ACER1: variants seen among roughly 807,000 people sequenced by gnomAD.
ACER1 encodes CTB-180A7.3.
ACER1 carries 28 observed loss-of-function variants against 24.9 expected under a neutral mutation model. The ratio of observed to expected loss-of-function variants is 1.13; its 90% confidence interval spans 0.83 to 1.54. The LOEUF is 1.54. ACER1 is among the 40% of genes most tolerant of loss of function. ACER1 has a pLI of 0.00. For missense variants in ACER1, 352 were observed against 349.3 expected (o/e 1.01, Z -0.06); for synonymous variants, 132 against 131.4 (o/e 1.00, Z -0.03).
In ACER1 at chr19:6,312,245, T is replaced by A. The variant is rs1386513320; in HGVS notation, c.254A>T (p.Gln85Leu). 1.9e-6 allele frequency: 3 copies of A among 1,614,086 alleles called. No homozygotes were observed. In the South Asian group the frequency reaches 3.3e-5, roughly 18 times the overall value. Residue 85 changes from glutamine (Q) to leucine (L), a missense_variant, in exon 3 of 6, where the codon CAG (glutamine) becomes CTG (leucine). Gln to Leu is a moderately radical substitution (Grantham distance 113). Coordinates refer to ENST00000301452, the MANE Select transcript of ACER1 (RefSeq NM_133492.3). Reference sequence around the variant, plus strand: ...CAGGATGGCGATCTCGTCCAGCAGCTGGCCCAGGAAGCTGAGCGTCATGTG... The same window carrying A: ...CAGGATGGCGATCTCGTCCAGCAGCAGGCCCAGGAAGCTGAGCGTCATGTG... ...YFHMTLSFLG[Q>L]LLDEIAILWL...
chr19:6,317,465 G>T (rs1337328698), intron 1 of ACER1, among the ~76,000 whole-genome samples: 1 of 152,194 alleles, frequency 6.6e-6, no homozygotes, highest in Non-Finnish European at 1.5e-5. Context: ...CCTCTTCTCA[G>T]CCCGTGGCCC....
At chr19:6,335,774 C>T (rs141018958), upstream of ACER1, among the ~76,000 whole-genome samples, 7,524 of 151,324 alleles carry the variant, frequency 0.05, 286 homozygotes, top group African/African-American at 0.11. Flanking sequence ...GAGCTTGCAG[C>T]GAGCCAAAAT....
In ACER1 at chr19:6,318,463, T is replaced by C. The variant is rs574339521; in HGVS notation, c.94-5964A>G. On this transcript the variant is annotated intron_variant, in intron 1 of 5. Coordinates refer to ENST00000301452, the MANE Select transcript of ACER1 (RefSeq NM_133492.3). Reference sequence around the variant, plus strand: ...CAGCCTGGGTGACATAGTGAGACTCTGTCCCCCCAAAATAAATAAAAAATA... The same window carrying C: ...CAGCCTGGGTGACATAGTGAGACTCCGTCCCCCCAAAATAAATAAAAAATA... Among the ~76,000 whole-genome samples, 11 of 146,764 alleles carry C rather than the reference T, an allele frequency of 7.5e-5. No homozygotes were observed. The South Asian group carries it at 2.4e-3, about 32-fold the overall frequency.
At chr19:6,336,258 G>A (rs761599092), upstream of ACER1, among the ~76,000 whole-genome samples, 5 of 151,560 alleles carry the variant, frequency 3.3e-5, no homozygotes, top group African/African-American at 7.3e-5. Context: ...GTGCAGTGGC[G>A]CAATCATAGT....
the ACER1 span, among the ~76,000 whole-genome samples, chr19:6,347,109 A>AAAAATATATAT: frequency 2.3e-3 from 266 of 113,748 alleles, 3 homozygotes; most frequent in Middle Eastern, 4.0e-3. Context: ...AAAAAAAAAA[A>AAAAATATATAT]ATATATATAT....
Position 6,309,794 on chromosome 19 carries a change from T to C in ACER1, c.391A>G (p.Ser131Gly). The change falls in exon 4 of 6, where the codon AGC becomes GGC. Residue 131 changes from serine (S) to glycine (G), a missense_variant. Coordinates refer to ENST00000301452, the MANE Select transcript of ACER1 (RefSeq NM_133492.3). Reference protein sequence around the residue: ...IRLVFITTVVSTLLSFLRPTV... With the variant: ...IRLVFITTVVGTLLSFLRPTV... ...GGCCGCAGGAAGGACAGAAGGGTGCTGACCACAGTGGTGATGAAGACCAGG... is the reference window on the plus strand; with the variant it reads ...GGCCGCAGGAAGGACAGAAGGGTGCCGACCACAGTGGTGATGAAGACCAGG... The C allele has an allele frequency of 6.2e-7, 1 of 1,614,102 alleles. No individual in the cohort carries two copies. The highest frequency in any genetic ancestry group is 8.5e-7 in the Non-Finnish European group (1 of 1,179,992).
the ACER1 span, among the ~76,000 whole-genome samples, chr19:6,340,223 G>C: frequency 6.7e-6 from 1 of 149,282 alleles, no homozygotes; most frequent in African/African-American, 2.5e-5. Flanking sequence ...GGAGGTTGTA[G>C]TCAGCCAAGA....
chr19:6,327,565 AAAATAAAT>A (rs973895984), intron 1 of ACER1, among the ~76,000 whole-genome samples: 1 of 151,362 alleles, frequency 6.6e-6, no homozygotes, highest in Non-Finnish European at 1.5e-5. Context: ...ACTCCGTCTC[AAAATAAAT>A]AAATAAATAA....
chr19:6,319,742 C>T (rs919930819), intron 1 of ACER1, among the ~76,000 whole-genome samples: 1 of 151,992 alleles, frequency 6.6e-6, no homozygotes, highest in African/African-American at 2.4e-5. Context: ...TTGCCCCCTC[C>T]CCACCCTGTA....
At chr19:6,319,867 T>G (rs547685835) in intron 1 of ACER1, among the ~76,000 whole-genome samples, 5 of 152,080 alleles carry the variant, frequency 3.3e-5, no homozygotes, top group African/African-American at 1.2e-4. Context: ...ATCCCAGCAC[T>G]TTGGAAGGCT....
chr19:6,348,973 T>C, the ACER1 span, among the ~76,000 whole-genome samples: 1 of 152,004 alleles, frequency 6.6e-6, no homozygotes, highest in East Asian at 1.9e-4. Flanking sequence ...GAAAAATTGC[T>C]TGAACCCAGG....
At chr19:6,314,565 G>A (rs565666214) in intron 1 of ACER1, among the ~76,000 whole-genome samples, 156 of 151,718 alleles carry the variant, frequency 1.0e-3, no homozygotes, top group African/African-American at 3.5e-3. Context: ...TCCCCACAAA[G>A]TGTCTCCCTG....
In ACER1 at chr19:6,312,435, T is replaced by C. The variant is rs2091586686; in HGVS notation, c.158A>G (p.Gln53Arg). ...LMMLLMHPYA[Q>R]KRSRYIYVVW... The stretch of plus-strand genomic sequence containing the variant: ...AACGTAAATGTAGCGGGAGCGCTTC[T>C]GGGCATACGGGTGCATCAGGAGCAT... Residue 53 changes from glutamine (Q) to arginine (R), a missense_variant, in exon 2 of 6, where the codon CAG (glutamine) becomes CGG (arginine). Gln to Arg is a conservative substitution (Grantham distance 43, BLOSUM62 1). Transcript: ENST00000301452. The C allele has an allele frequency of 6.2e-7, 1 of 1,614,014 alleles. No individual in the cohort carries two copies. Among genetic ancestry groups the C allele is most frequent in the Non-Finnish European group, 8.5e-7 (1 of 1,180,018 alleles).
At chr19:6,319,382 G>C (rs986905975) in intron 1 of ACER1, among the ~76,000 whole-genome samples, 3 of 152,082 alleles carry the variant, frequency 2.0e-5, no homozygotes, top group African/African-American at 7.2e-5. Context: ...TCTGCCAGGC[G>C]GGGGAGACAC....
chr19:6,319,112 A>C (rs1464601209), intron 1 of ACER1, among the ~76,000 whole-genome samples: 3 of 152,116 alleles, frequency 2.0e-5, no homozygotes, highest in African/African-American at 7.2e-5. Context: ...TTATTGTTGA[A>C]GGAGATAATA....
the ACER1 span, among the ~76,000 whole-genome samples, chr19:6,344,696 T>C: frequency 6.6e-6 from 1 of 151,516 alleles, no homozygotes; most frequent in African/African-American, 2.4e-5. Context: ...GCACCTGGCC[T>C]GTGTGGGTAT....
intron 1 of ACER1, among the ~76,000 whole-genome samples, chr19:6,325,185 C>T (rs1425845880): frequency 6.6e-6 from 1 of 152,184 alleles, no homozygotes; most frequent in Non-Finnish European, 1.5e-5. Flanking sequence ...CCATGGCTCC[C>T]CAGGGCTCTC....
intron 1 of ACER1, 112 bp from the exon 2 acceptor site, chr19:6,312,611 G>T: frequency 1.3e-6 from 1 of 764,648 alleles, no homozygotes; most frequent in Non-Finnish European, 2.3e-6. Context: ...TGCATTTCAG[G>T]CAATGCATCA....
At chr19:6,315,780 G>T (rs1036671095) in intron 1 of ACER1, among the ~76,000 whole-genome samples, 3 of 152,158 alleles carry the variant, frequency 2.0e-5, no homozygotes, top group African/African-American at 7.2e-5. Flanking sequence ...CTCCCAAACT[G>T]CTGGGATTAC....
Sources: gnomAD v4.1 joint callset for allele counts (sites outside exome capture counted in the v4.1 genomes callset) on GRCh38, gnomAD v4.1.1 for gene constraint, MANE v1.5 for transcripts, NCBI Gene and HGNC (gene_info 2026-07-23, HGNC 2026-07-21) for gene names.